The following RBFOX1 variants were observed in gnomAD, a reference collection of about 807,000 sequenced individuals.
RBFOX1 encodes the protein RNA binding protein fox-1 homolog 1.
A neutral mutation model predicts 57.7 loss-of-function variants in RBFOX1; 8 were observed. That is an observed-to-expected ratio of 0.14 (90% confidence interval 0.08 to 0.25). The LOEUF (loss-of-function observed/expected upper bound fraction) is 0.25. Among genes scored for constraint, RBFOX1 ranks in the 10% least tolerant of loss-of-function variants. RBFOX1 has a pLI of 1.00. For synonymous variants in RBFOX1, 326 were observed against 222.4 expected, an observed-to-expected ratio of 1.47 and a Z score of -4.15; for missense variants, 611 against 548.5, an observed-to-expected ratio of 1.11 and a Z score of -1.14.
At chr16:7,024,835 C>A (rs2040411137) in intron 3 of RBFOX1, among the ~76,000 whole-genome samples, 2 of 152,180 alleles carry the variant, frequency 1.3e-5, no homozygotes, top group Admixed American at 1.3e-4. Context: ...ATGGTTCTCA[C>A]ACGGGGCTGG....
At chr16:5,692,305 G>C (rs974149742) in intron 3 of RBFOX1, among the ~76,000 whole-genome samples, 1 of 152,004 alleles carries the variant, frequency 6.6e-6, no homozygotes, top group Non-Finnish European at 1.5e-5. Context: ...CTGTGGAAGA[G>C]GCAACAAGCC....
At chr16:6,662,222 TGA>T (rs1365903394) in intron 3 of RBFOX1, among the ~76,000 whole-genome samples, 2 of 152,052 alleles carry the variant, frequency 1.3e-5, no homozygotes, top group African/African-American at 4.8e-5. Flanking sequence ...AGCACAGTGA[TGA>T]GAGTTTAATT....
At chr16:5,891,638 G>A (rs1274001707) in intron 4 of RBFOX1, among the ~76,000 whole-genome samples, 2 of 152,256 alleles carry the variant, frequency 1.3e-5, no homozygotes, top group African/African-American at 4.8e-5. Context: ...AGGAAGCTCC[G>A]AGGGAATCTC....
intron 3 of RBFOX1, among the ~76,000 whole-genome samples, chr16:6,808,687 G>C (rs1203764663): frequency 6.6e-6 from 1 of 152,094 alleles, no homozygotes; most frequent in Non-Finnish European, 1.5e-5. Context: ...ATACAGTGAA[G>C]AGTAATGCTT....
intron 2 of RBFOX1, among the ~76,000 whole-genome samples, chr16:5,593,348 G>A (rs1371628909): frequency 6.6e-6 from 1 of 152,038 alleles, no homozygotes; most frequent in Non-Finnish European, 1.5e-5. Flanking sequence ...TCAGAGGGTG[G>A]GGGGTTAGGG....
chr16:5,804,030 T>G (rs1324300612), intron 3 of RBFOX1, among the ~76,000 whole-genome samples: 1 of 152,216 alleles, frequency 6.6e-6, no homozygotes, highest in African/African-American at 2.4e-5. Context: ...GCCACAGTAT[T>G]AAAGATGGTC....
chr16:6,050,418 T>C (rs975261155), intron 1 of RBFOX1, among the ~76,000 whole-genome samples: 1 of 152,230 alleles, frequency 6.6e-6, no homozygotes, highest in African/African-American at 2.4e-5. Flanking sequence ...CCCTGTGGTG[T>C]GATTTCACAT....
intron 1 of RBFOX1, among the ~76,000 whole-genome samples, chr16:5,408,401 G>A (rs982184659): frequency 1.6e-4 from 25 of 152,200 alleles, no homozygotes; most frequent in Admixed American, 8.5e-4. Flanking sequence ...GGCAGCATGG[G>A]AGGGTGCCGC....
At chr16:6,259,568 T>G (rs1343684921) in intron 1 of RBFOX1, among the ~76,000 whole-genome samples, 1 of 152,144 alleles carries the variant, frequency 6.6e-6, no homozygotes, top group African/African-American at 2.4e-5. Flanking sequence ...TTTTATAGTT[T>G]CTGGGACTTG....
intron 4 of RBFOX1, among the ~76,000 whole-genome samples, chr16:7,442,291 C>T (rs879573063): frequency 4.6e-5 from 7 of 152,160 alleles, no homozygotes; most frequent in Non-Finnish European, 1.0e-4. Flanking sequence ...TCTGGATTCC[C>T]TCCTCTGCCT....
Position 5,618,708 on chromosome 16 carries a change from C to T in RBFOX1, c.318+19747C>T, listed in dbSNP as rs114794020. Among the ~76,000 whole-genome samples the T allele has an allele frequency of 5.7e-3, 874 of 152,352 alleles. 8 individuals are homozygous for T. The highest frequency in any genetic ancestry group is 0.02 in the African/African-American group (835 of 41,574). On this transcript the variant is annotated intron_variant, in intron 3 of 19. Transcript: ENST00000641259. The stretch of plus-strand genomic sequence containing the variant: ...AAAAGAAAGAAATGCCCATGAACAC[C>T]ATCCATCCCTTTGAAATTCTCATTT...
At chr16:5,245,722 A>G (rs994340305) in intron 1 of RBFOX1, among the ~76,000 whole-genome samples, 11 of 152,328 alleles carry the variant, frequency 7.2e-5, no homozygotes, top group African/African-American at 2.4e-4. Context: ...ATGAGCCACC[A>G]TGCCTGACCA....
intron 4 of RBFOX1, among the ~76,000 whole-genome samples, chr16:7,449,816 A>G (rs943966879): frequency 2.0e-5 from 3 of 151,896 alleles, no homozygotes; most frequent in Non-Finnish European, 4.4e-5. Flanking sequence ...CATAAAGAGA[A>G]CACCTTCACA....
chr16:7,386,827 A>G (rs901973679), intron 4 of RBFOX1, among the ~76,000 whole-genome samples: 8 of 152,192 alleles, frequency 5.3e-5, no homozygotes, highest in Admixed American at 3.3e-4. Flanking sequence ...TGGTTGAACT[A>G]ATTTACACTC....
chr16:7,583,869 C>T (rs901339903), intron 6 of RBFOX1, among the ~76,000 whole-genome samples: 2 of 152,036 alleles, frequency 1.3e-5, no homozygotes, highest in Admixed American at 1.3e-4. Context: ...GTCCTCTGGG[C>T]AGGAAAATGG....
At chr16:6,693,404 C>T (rs2060529019) in intron 3 of RBFOX1, among the ~76,000 whole-genome samples, 1 of 151,110 alleles carries the variant, frequency 6.6e-6, no homozygotes, top group African/African-American at 2.4e-5. Flanking sequence ...CATCCCCATC[C>T]ACTACCATCA....
intron 3 of RBFOX1, among the ~76,000 whole-genome samples, chr16:5,781,167 G>A (rs2054311074): frequency 1.3e-5 from 2 of 152,196 alleles, no homozygotes; most frequent in Non-Finnish European, 2.9e-5. Flanking sequence ...AATTAGGAAA[G>A]CTAAAAGATA....
At chr16:5,717,511 C>T (rs536698498) in intron 3 of RBFOX1, among the ~76,000 whole-genome samples, 58 of 152,292 alleles carry the variant, frequency 3.8e-4, no homozygotes, top group African/African-American at 1.4e-3. Flanking sequence ...CCCTCCCACC[C>T]TTCACCCTTA....
intron 3 of RBFOX1, among the ~76,000 whole-genome samples, chr16:6,932,335 G>C (rs1303402878): frequency 6.6e-6 from 1 of 152,102 alleles, no homozygotes; most frequent in African/African-American, 2.4e-5. Flanking sequence ...TCAAACTCCT[G>C]ACCTCAGGTG....
Sources: gnomAD v4.1 joint callset for allele counts (sites outside exome capture counted in the v4.1 genomes callset) on GRCh38, gnomAD v4.1.1 for gene constraint, MANE v1.5 for transcripts, NCBI Gene and HGNC (gene_info 2026-07-23, HGNC 2026-07-21) for gene names.